TFEC: variants seen among roughly 807,000 people sequenced by gnomAD.
The protein encoded by TFEC is class E basic helix-loop-helix protein 34.
Under a neutral mutation model 41.6 loss-of-function variants are expected in TFEC, and 31 were observed. That is an observed-to-expected ratio of 0.74 (90% CI 0.56 to 1.01). The LOEUF is 1.01. Ranked by LOEUF, TFEC falls within the 50% of genes least tolerant of loss-of-function variation. The probability of loss-of-function intolerance (pLI) is 0.00; values close to 1 mark genes in which losing one functional copy is unlikely to be tolerated. For synonymous variants in TFEC, 143 were observed against 140.6 expected (o/e 1.02, Z -0.12); for missense variants, 402 against 404.1 (o/e 0.99, Z 0.04).
intron 6 of TFEC, among the ~76,000 whole-genome samples, chr7:115,944,214 T>C (rs1435739783): frequency 2.0e-5 from 3 of 150,950 alleles, no homozygotes; most frequent in Admixed American, 1.3e-4. Context: ...ACAAGAGTAA[T>C]AGAGTAATTA....
intron 1 of TFEC, among the ~76,000 whole-genome samples, chr7:115,989,969 A>C (rs1794033729): frequency 6.6e-6 from 1 of 152,096 alleles, no homozygotes; most frequent in Non-Finnish European, 1.5e-5. Context: ...ACTGGCAGGT[A>C]CCTCCTAGTA....
At chr7:115,941,848 G>A in intron 7 of TFEC, 45 bp downstream of exon 7, 1 of 1,584,728 alleles carries the variant, frequency 6.3e-7, no homozygotes. Context: ...TGACAGCTGA[G>A]TCATGTGTAA....
Position 116,089,304 on chromosome 7 carries a change from A to G in TFEC, c.198+21404T>C, listed in dbSNP as rs559080263. Reference sequence around the variant, plus strand: ...AGATTATTTAAGGAACACAAGGATGAATAAAGTACACTTAATTGGAAGAGT... The same window carrying G: ...AGATTATTTAAGGAACACAAGGATGGATAAAGTACACTTAATTGGAAGAGT... On this transcript the variant is annotated intron_variant, in intron 3 of 8. Transcript: ENST00000484212. Among the ~76,000 whole-genome samples the G allele has an allele frequency of 3.3e-5, 5 of 152,292 alleles. No homozygotes were observed. The South Asian group carries it at 1.0e-3, about 32-fold the overall frequency.
chr7:115,972,780 A>T (rs1793192798), intron 3 of TFEC, among the ~76,000 whole-genome samples: 1 of 152,078 alleles, frequency 6.6e-6, no homozygotes, highest in Non-Finnish European at 1.5e-5. Context: ...CCAATTTTTT[A>T]CTGAGTAAAC....
chr7:116,118,098 T>G (rs1462409345), intron 1 of TFEC, among the ~76,000 whole-genome samples: 1 of 151,760 alleles, frequency 6.6e-6, no homozygotes, highest in African/African-American at 2.4e-5. Context: ...TCTCTTAGAG[T>G]TGACCTTTAT....
At chr7:116,080,238 GA>G (rs1797056573) in intron 3 of TFEC, among the ~76,000 whole-genome samples, 1 of 151,210 alleles carries the variant, frequency 6.6e-6, no homozygotes, top group Admixed American at 6.6e-5. Flanking sequence ...TAGACATTGG[GA>G]AAACCCTTCT....
rs564871429 is a variant in TFEC, at chr7:115,949,125, A to G, written c.515+1749T>C. On this transcript the variant is annotated intron_variant, in intron 6 of 7. Coordinates refer to ENST00000265440, the MANE Select transcript of TFEC (RefSeq NM_012252.4). ...TTGCTTCAAAGAGAATAAAATACCT[A>G]GGAATCCAACTTAAAAGGGATGTGA... is the stretch of plus-strand genomic sequence containing the variant. 2.9e-4 allele frequency among the ~76,000 whole-genome samples: 44 copies of G among 152,320 alleles called. 1 individual carries two copies. The highest frequency in any genetic ancestry group is 5.4e-4 in the Non-Finnish European group (37 of 68,034).
chr7:116,052,498 G>A (rs574953094), intron 3 of TFEC, among the ~76,000 whole-genome samples: 1 of 152,048 alleles, frequency 6.6e-6, no homozygotes, highest in Non-Finnish European at 1.5e-5. Context: ...GCGCAATCTC[G>A]GCTCACTGCA....
At chr7:115,959,159 G>C (rs988704382) in intron 3 of TFEC, among the ~76,000 whole-genome samples, 1 of 151,618 alleles carries the variant, frequency 6.6e-6, no homozygotes, top group African/African-American at 2.4e-5. Flanking sequence ...CAAAATCTTT[G>C]ATGTGACAAT....
chr7:116,097,056 C>T (rs1049679079), intron 3 of TFEC, among the ~76,000 whole-genome samples: 3 of 150,538 alleles, frequency 2.0e-5, no homozygotes, highest in South Asian at 2.1e-4. Context: ...CACCACTACA[C>T]TCCAGCCTGG....
At chr7:115,984,591 A>G in intron 1 of TFEC, 78 bp from the exon 2 acceptor site, 1 of 1,507,600 alleles carries the variant, frequency 6.6e-7, no homozygotes. Flanking sequence ...CAATTGCACT[A>G]GGATAATAAA....
At chr7:116,137,980 G>T (rs1798466775) in intron 1 of TFEC, among the ~76,000 whole-genome samples, 1 of 152,020 alleles carries the variant, frequency 6.6e-6, no homozygotes, top group Non-Finnish European at 1.5e-5. Context: ...CAAACCAGAA[G>T]AAATGCGGTC....
intron 3 of TFEC, among the ~76,000 whole-genome samples, chr7:116,073,468 T>C (rs1429010076): frequency 6.6e-6 from 1 of 151,724 alleles, no homozygotes; most frequent in African/African-American, 2.4e-5. Context: ...TTTTTTATTA[T>C]ACTTTAAGTT....
intron 3 of TFEC, among the ~76,000 whole-genome samples, chr7:115,967,724 A>T (rs556519280): frequency 6.6e-6 from 1 of 151,966 alleles, no homozygotes; most frequent in East Asian, 1.9e-4. Context: ...GAGCTGGTTT[A>T]TAATATAGTG....
chr7:115,954,766 T>A, intron 4 of TFEC, 124 bp from the exon 5 acceptor site: 1 of 689,894 alleles, frequency 1.4e-6, no homozygotes, highest in Middle Eastern at 3.9e-4. Flanking sequence ...ACAATAATAT[T>A]TTTGATGCAA....
At chr7:116,133,951 G>C (rs1798386422) in intron 1 of TFEC, among the ~76,000 whole-genome samples, 1 of 152,090 alleles carries the variant, frequency 6.6e-6, no homozygotes, top group African/African-American at 2.4e-5. Context: ...AAAAAAATTA[G>C]ATCAACATAA....
intron 1 of TFEC, among the ~76,000 whole-genome samples, chr7:116,154,847 C>T (rs1184130329): frequency 6.6e-6 from 1 of 152,132 alleles, no homozygotes; most frequent in South Asian, 2.1e-4. Flanking sequence ...GCGGATCTTC[C>T]TCTCTTGGAT....
At chr7:116,015,301 A>T (rs1191104447) in intron 1 of TFEC, among the ~76,000 whole-genome samples, 1 of 152,092 alleles carries the variant, frequency 6.6e-6, no homozygotes, top group Non-Finnish European at 1.5e-5. Flanking sequence ...TAATGCCTTT[A>T]ATCAATCCCT....
At chr7:116,090,545 T>C (rs1797302239) in intron 3 of TFEC, among the ~76,000 whole-genome samples, 1 of 152,098 alleles carries the variant, frequency 6.6e-6, no homozygotes, top group Non-Finnish European at 1.5e-5. Context: ...CAGTATGGCT[T>C]CTCCCAGATG....
Sources: gnomAD v4.1 joint callset for allele counts (sites outside exome capture counted in the v4.1 genomes callset) on GRCh38, gnomAD v4.1.1 for gene constraint, MANE v1.5 for transcripts, NCBI Gene and HGNC (gene_info 2026-07-23, HGNC 2026-07-21) for gene names.